Variants in MRPL28 observed in about 807,000 individuals in gnomAD.
MRPL28 encodes the protein large ribosomal subunit protein bL28m.
In MRPL28, 25 loss-of-function variants were observed where a neutral mutation model predicts 26.2. The observed-to-expected ratio is 0.95, with a 90% CI of 0.69 to 1.33. MRPL28 has a LOEUF of 1.33. Among genes scored for constraint, MRPL28 ranks in the 40% most tolerant of loss-of-function variants. The pLI, the probability that MRPL28 is intolerant of heterozygous loss-of-function variation, is 0.00. For synonymous variants in MRPL28, 227 were observed against 140.1 expected (o/e 1.62, Z -4.38); for missense variants, 432 against 327.2 (o/e 1.32, Z -2.47).
chr16:368,432 G>C lies in MRPL28; in HGVS notation c.577-18C>G, dbSNP rs752282287. 4.3e-6 allele frequency: 7 copies of C among 1,613,428 alleles called. No individual in the cohort carries two copies. Among genetic ancestry groups the C allele is most frequent in the Non-Finnish European group, 5.9e-6 (7 of 1,179,810 alleles). ...GCAAATTCCTAGGCAGGCAGAGATG[G>C]AAAGGGCAGTGAGGCCCAGGGCCGG... On this transcript the variant is annotated intron_variant, in intron 4 of 5. Transcript: ENST00000199706.
At position 368,312 on chromosome 16, in the gene MRPL28, GT is replaced by G; in HGVS notation, c.663+15del. On this transcript the variant is annotated intron_variant, in intron 5 of 5. Coordinates refer to ENST00000199706, the MANE Select transcript of MRPL28 (RefSeq NM_006428.5). Reference sequence around the variant, plus strand: ...GGCTCTGGGCAGGCAGCATCGGCTGGTGCTCACACACTCACCTTCTCCTCCA... The same window carrying G: ...GGCTCTGGGCAGGCAGCATCGGCTGGGCTCACACACTCACCTTCTCCTCCA... 1 of 1,612,814 alleles carries G rather than the reference GT, an allele frequency of 6.2e-7. No individual in the cohort carries two copies.
At chr16:368,764 G>T (rs1238906782) in intron 3 of MRPL28, 129 bp from the exon 4 acceptor site, 9 of 1,384,554 alleles carry the variant, frequency 6.5e-6, no homozygotes, top group African/African-American at 1.5e-5. Flanking sequence ...GGGTGGGGCC[G>T]CCTCAGCACC....
rs2141750989 is a variant in MRPL28, at chr16:369,946, A to G, written c.273T>C (p.Tyr91=). 6.2e-7 allele frequency: 1 copy of G among 1,610,948 alleles called. No homozygotes were observed. The highest frequency in any genetic ancestry group is 8.5e-7 in the Non-Finnish European group (1 of 1,179,630). ...GGEGWILGQI[Y]ANNDKLSKRL... ...GCGGACCCACCTTGTCGTTGTTGGC[A>G]TATATTTGGCCCAGGATCCAGCCCT... Residue 91 remains tyrosine (Y), a synonymous_variant, in exon 2 of 6, where the codon TAT becomes TAC. Transcript: ENST00000199706.
chr16:369,014 TCTGA>T, intron 3 of MRPL28, 50 bp downstream of exon 3: 1 of 1,584,242 alleles, frequency 6.3e-7, no homozygotes, highest in South Asian at 1.1e-5. Flanking sequence ...CTCCCGTGAG[TCTGA>T]CTGGCCCATC....
chr16:369,364 C>T (rs772713097), intron 2 of MRPL28, 144 bp from the exon 3 acceptor site: 136 of 1,091,882 alleles, frequency 1.2e-4, no homozygotes, highest in Non-Finnish European at 1.7e-4. Context: ...CTAACTGGGC[C>T]GGCCCCCAGC....
Position 369,373 on chromosome 16 carries a change from G to A in MRPL28, c.289-153C>T. ...CTAGAGCTAACTGGGCCGGCCCCCA[G>A]CCCAGTGCCGCCCCAGCCCGACCCG... On this transcript the variant is annotated intron_variant, in intron 2 of 5. Coordinates refer to ENST00000199706, the MANE Select transcript of MRPL28 (RefSeq NM_006428.5). 3 of 936,026 alleles carry A rather than the reference G, an allele frequency of 3.2e-6. 1 individual carries two copies. The highest frequency in any genetic ancestry group is 3.2e-6 in the Non-Finnish European group (2 of 632,284). The allele number at this position is 936,026 out of a possible 1,614,324, so 58.0% of individuals were successfully genotyped here.
chr16:367,910 G>C (rs142118036), intron 5 of MRPL28, 128 bp from the exon 6 acceptor site: 4 of 738,082 alleles, frequency 5.4e-6, no homozygotes, highest in Non-Finnish European at 6.8e-6. Flanking sequence ...GCAGAGTCCT[G>C]TCGGTGAGAT....
At position 367,455 on chromosome 16, in the gene MRPL28, G is replaced by A. The variant is rs1222716075; in HGVS notation, c.*220C>T. ...GGGCACAAGGAACACTGCCGCAAAC[G>A]TCGGGGCCCAGCCTGAGAGGAGCCT... On this transcript the variant is annotated 3_prime_UTR_variant, in exon 6 of 6. Coordinates refer to ENST00000199706, the MANE Select transcript of MRPL28 (RefSeq NM_006428.5). 1.4e-6 allele frequency: 1 copy of A among 715,436 alleles called. No individual in the cohort carries two copies. The highest frequency in any genetic ancestry group is 2.7e-5 in the East Asian group (1 of 37,206). The allele number at this position is 715,436 out of a possible 1,614,324, so 44.3% of individuals were successfully genotyped here.
At chr16:368,211 C>A in intron 5 of MRPL28, 117 bp downstream of exon 5, 1 of 1,244,674 alleles carries the variant, frequency 8.0e-7, no homozygotes, top group East Asian at 2.3e-5. Context: ...AGCAGCTCTT[C>A]CCCAAGCCCA....
At position 368,537 on chromosome 16, in the gene MRPL28, G is replaced by C; in HGVS notation, c.540C>G (p.Asp180Glu). Residue 180 changes from aspartate to glutamate, a missense_variant, in exon 4 of 6, where the codon GAC (aspartate) becomes GAG (glutamate). Physicochemically the swap from Asp to Glu is conservative, Grantham distance 45. Transcript: ENST00000199706. ...CGTAGATGGCTGCCCGCCGCTCGGG[G>C]TCCTCGGGGTGCAGCTGGGGGTCCT... ...ARQDPQLHPEDPERRAAIYDK... is the reference protein window; with the variant it reads ...ARQDPQLHPEEPERRAAIYDK... 4 of 1,595,748 alleles carry C rather than the reference G, an allele frequency of 2.5e-6. No individual in the cohort carries two copies. The highest frequency in any genetic ancestry group is 3.4e-6 in the Non-Finnish European group (4 of 1,168,640).
At position 370,310 on chromosome 16, in the gene MRPL28, C is replaced by A. The variant is rs1263780469; in HGVS notation, c.-7-85G>T. Reference sequence around the variant, plus strand: ...CCCTACCCCGGCCCCCGACTCTCACCCGCTACCCCGGCCCCCGGCTCTCAC... The same window carrying A: ...CCCTACCCCGGCCCCCGACTCTCACACGCTACCCCGGCCCCCGGCTCTCAC... On this transcript the variant is annotated intron_variant, in intron 1 of 5. Coordinates refer to ENST00000199706, the MANE Select transcript of MRPL28 (RefSeq NM_006428.5). 4.5e-5 allele frequency: 62 copies of A among 1,390,764 alleles called. 1 individual carries two copies. The East Asian group carries it at 1.1e-3, about 24-fold the overall frequency. 86.2% of individuals were successfully genotyped at this position (1,390,764 alleles called of 1,614,324 possible).
In MRPL28 at chr16:367,753, C is replaced by T. The variant is rs1281619028; in HGVS notation, c.693G>A (p.Val231=). ...GCTGCAGCTGCTGGATCAGCTCCGC[C>T]ACATAGATCTTGAACAGGGGTACAG... ...KDPVPLFKIY[V]AELIQQLQQQ... Residue 231 remains valine, a synonymous_variant, in exon 6 of 6, where the codon GTG becomes GTA. Transcript: ENST00000199706. 6.2e-7 allele frequency: 1 copy of T among 1,613,848 alleles called. No homozygotes were observed. The highest frequency in any genetic ancestry group is 8.5e-7 in the Non-Finnish European group (1 of 1,180,016).
At position 367,640 on chromosome 16, in the gene MRPL28, T is replaced by A. The variant is rs1315815138; in HGVS notation, c.*35A>T. ...GTGCAAAGGGCCTGGCAGGGAAAGC[T>A]GGGCCTGTTGGTCAGGCATGGAGGA... On this transcript the variant is annotated 3_prime_UTR_variant, in exon 6 of 6. Coordinates refer to ENST00000199706, the MANE Select transcript of MRPL28 (RefSeq NM_006428.5). The A allele has an allele frequency of 6.4e-7, 1 of 1,563,146 alleles. No individual in the cohort carries two copies. The highest frequency in any genetic ancestry group is 8.8e-7 in the Non-Finnish European group (1 of 1,135,012).
Position 368,338 on chromosome 16 carries a change from A to C in MRPL28, c.653T>G (p.Leu218Trp), listed in dbSNP as rs765264141. The C allele has an allele frequency of 2.5e-6, 4 of 1,613,530 alleles. No individual in the cohort carries two copies. Among genetic ancestry groups the C allele is most frequent in the Non-Finnish European group, 2.5e-6 (3 of 1,179,964 alleles). The change falls in exon 5 of 6, where the codon TTG becomes TGG. Residue 218 changes from leucine (L) to tryptophan (W), a missense_variant. Coordinates refer to ENST00000199706, the MANE Select transcript of MRPL28 (RefSeq NM_006428.5). ...LEEAIEKQRL[L>W]EEKDPVPLFK... is the part of the protein sequence containing the mutation. Reference sequence around the variant, plus strand: ...TGCTCACACACTCACCTTCTCCTCCAAAAGTCTCTGCTTCTCAATGGCCTC... The same window carrying C: ...TGCTCACACACTCACCTTCTCCTCCCAAAGTCTCTGCTTCTCAATGGCCTC...
rs922241793 is a variant in MRPL28 at position 367,333 on chromosome 16, G to C, written c.*342C>G. 2 of 630,738 alleles carry C rather than the reference G, an allele frequency of 3.2e-6. No homozygotes were observed. Among genetic ancestry groups the C allele is most frequent in the African/African-American group, 3.6e-5 (2 of 54,892 alleles). The allele number at this position is 630,738 out of a possible 1,614,324, so 39.1% of individuals were successfully genotyped here. A position where few individuals can be genotyped will look rare whatever the true frequency, so the allele number is the denominator to read the frequency against. ...GAGGTCTCAGGGGCAGCAAGGGCAGGGGTGACAGGATCAGGATCCCCAAAG... is the reference window on the plus strand; with the variant it reads ...GAGGTCTCAGGGGCAGCAAGGGCAGCGGTGACAGGATCAGGATCCCCAAAG... On this transcript the variant is annotated 3_prime_UTR_variant, in exon 6 of 6. Transcript: ENST00000199706.
chr16:370,103 G>A lies in MRPL28; in HGVS notation c.116C>T (p.Thr39Ile), dbSNP rs1481595112. 4 of 1,610,422 alleles carry A rather than the reference G, an allele frequency of 2.5e-6. No individual in the cohort carries two copies. The highest frequency in any genetic ancestry group is 2.7e-5 in the African/African-American group (2 of 74,832). The change falls in exon 2 of 6, where the codon ACT becomes ATT. Residue 39 changes from threonine (T) to isoleucine (I), a missense_variant. By Grantham distance (89) the Thr-to-Ile change is moderately conservative. Transcript: ENST00000199706. The stretch of plus-strand genomic sequence containing the variant: ...CCCATGAGGCCTATAGTGCACGGGA[G>A]TGGGCGTCCGCTCCTCCTCCAGGGA... The part of the protein sequence containing the change: ...LRSLEEERTP[T>I]PVHYRPHGAK...
At position 367,705 on chromosome 16, in the gene MRPL28, C is replaced by T. The variant is rs746709219; in HGVS notation, c.741G>A (p.Ala247=). 43 of 1,613,726 alleles carry T rather than the reference C, an allele frequency of 2.7e-5. No individual in the cohort carries two copies. In the South Asian group the frequency reaches 3.5e-4, roughly 13 times the overall value. Residue 247 remains alanine (A), a synonymous_variant, in exon 6 of 6, where the codon GCG becomes GCA. Coordinates refer to ENST00000199706, the MANE Select transcript of MRPL28 (RefSeq NM_006428.5). The part of the protein sequence containing the change: ...QLQQQALSEP[A]VVQKRASGQ ...GGCCACTGGCTCTCTTCTGCACCAC[C>T]GCCGGCTCTGACAGTGCCTGCTGCT...
At chr16:369,766 G>T in intron 2 of MRPL28, 165 bp downstream of exon 2, 1 of 948,892 alleles carries the variant, frequency 1.1e-6, no homozygotes, top group Non-Finnish European at 1.6e-6. Flanking sequence ...CTGTTTGCCA[G>T]AACTGCGGTT....
Position 367,583 on chromosome 16 carries a change from G to C in MRPL28, c.*92C>G. 8.8e-7 allele frequency: 1 copy of C among 1,133,604 alleles called. No individual in the cohort carries two copies. Among genetic ancestry groups the C allele is most frequent in the East Asian group, 2.5e-5 (1 of 40,574 alleles). The allele number at this position is 1,133,604 out of a possible 1,614,324, so 70.2% of individuals were successfully genotyped here. A position where few individuals can be genotyped will look rare whatever the true frequency, so the allele number is the denominator to read the frequency against. ...AGGATCCACCCACTGCCCACCGGTG[G>C]CCCTCACAGCTCCCCGGGATCTGTG... On this transcript the variant is annotated 3_prime_UTR_variant, in exon 6 of 6. Coordinates refer to ENST00000199706, the MANE Select transcript of MRPL28 (RefSeq NM_006428.5).
Sources: gnomAD v4.1 joint callset for allele counts on GRCh38, gnomAD v4.1.1 for gene constraint, MANE v1.5 for transcripts, NCBI Gene and HGNC (gene_info 2026-07-23, HGNC 2026-07-21) for gene names.